Variants in MYO18A observed in about 807,000 individuals in gnomAD.
MYO18A encodes myosin XVIIIA, also known as unconventional myosin-XVIIIa.
A neutral mutation model predicts 235.8 loss-of-function variants in MYO18A; 78 were observed. The ratio of observed to expected loss-of-function variants is 0.33; its 90% CI spans 0.28 to 0.40. The LOEUF is 0.40. MYO18A is among the 10% of genes least tolerant of loss of function. MYO18A has a pLI of 1.00. For synonymous variants in MYO18A, 977 were observed against 1,077.8 expected (o/e 0.91, Z 1.83); for missense variants, 2,215 against 2,699.3 (o/e 0.82, Z 3.98).
At chr17:29,145,594 T>C (rs2152935614) in intron 2 of MYO18A, among the ~76,000 whole-genome samples, 1 of 152,220 alleles carries the variant, frequency 6.6e-6, no homozygotes, top group African/African-American at 2.4e-5. Flanking sequence ...GCAGAGGTTG[T>C]GTGTTGTTCA....
intron 1 of MYO18A, among the ~76,000 whole-genome samples, chr17:29,179,772 A>T (rs1668045361): frequency 6.6e-6 from 1 of 152,190 alleles, no homozygotes; most frequent in South Asian, 2.1e-4. Context: ...CCAGCTGTCT[A>T]GCAGCTGCTC....
Position 29,126,119 on chromosome 17 carries a change from A to C in MYO18A, c.1000-3866T>G, listed in dbSNP as rs1441231597. ...GCAATCTGAGTTTTTAAACCATCAG[A>C]TTAGAAAAAAAAGAACAAGTGCCTG... On this transcript the variant is annotated intron_variant, in intron 2 of 41. Transcript: ENST00000527372. This position sits in a 1 kb window ranked among gnomAD's most constrained non-coding sequence, Gnocchi z 4.1. Among the ~76,000 whole-genome samples, 1 of 152,186 alleles carries C rather than the reference A, an allele frequency of 6.6e-6. No homozygotes were observed.
At position 29,166,235 on chromosome 17, in the gene MYO18A, G is replaced by T. The variant is rs1265368023; in HGVS notation, c.706C>A (p.Arg236=). ...CCCCGATCCAGCATGGTTGTGCGCC[G>T]CAGGGAGAAGCCAAAGTCTCCAGTG... ...RPTGDFGFSL[R]RTTMLDRGPE... The change falls in exon 2 of 42, where the codon CGG becomes AGG. Residue 236 remains arginine, a synonymous_variant. Coordinates refer to ENST00000527372, the MANE Select transcript of MYO18A (RefSeq NM_078471.4). The T allele has an allele frequency of 1.2e-6, 2 of 1,612,846 alleles. No individual in the cohort carries two copies. Among genetic ancestry groups the T allele is most frequent in the Non-Finnish European group, 8.5e-7 (1 of 1,179,882 alleles).
chr17:29,099,490 A>T, intron 22 of MYO18A, 144 bp downstream of exon 22: 1 of 1,119,318 alleles, frequency 8.9e-7, no homozygotes, highest in Non-Finnish European at 1.2e-6. Context: ...TGCTGGCACC[A>T]GGGAGCTGCC....
In MYO18A at chr17:29,093,371, C is replaced by A. The variant is rs113617904; in HGVS notation, c.4878G>T (p.Leu1626=). 4 of 1,612,848 alleles carry A rather than the reference C, an allele frequency of 2.5e-6. No individual in the cohort carries two copies. Among genetic ancestry groups the A allele is most frequent in the Non-Finnish European group, 3.4e-6 (4 of 1,179,838 alleles). The change falls in exon 32 of 42, where the codon CTG becomes CTT. Residue 1626 remains leucine, a synonymous_variant. Coordinates refer to ENST00000527372, the MANE Select transcript of MYO18A (RefSeq NM_078471.4). The part of the protein sequence containing the change: ...EEEYEDKQKV[L]REKRELEGKL... ...TGCCCTCCAGCTCCCGCTTCTCTCG[C>A]AGAACCTTCTGCTTGTCCTCATACT...
Position 29,177,860 on chromosome 17 carries a change from G to A in MYO18A, c.-82+2453C>T, listed in dbSNP as rs938215111. On this transcript the variant is annotated intron_variant, in intron 1 of 41. Coordinates refer to ENST00000527372, the MANE Select transcript of MYO18A (RefSeq NM_078471.4). Reference sequence around the variant, plus strand: ...CTGTGGCGTCCACCCCAGGTGAGAGGATCTGGCTGAGGAGAGACCTCTGGT... The same window carrying A: ...CTGTGGCGTCCACCCCAGGTGAGAGAATCTGGCTGAGGAGAGACCTCTGGT... 5.9e-5 allele frequency among the ~76,000 whole-genome samples: 9 copies of A among 152,308 alleles called. No homozygotes were observed. The East Asian group carries it at 1.7e-3, about 29-fold the overall frequency.
intron 37 of MYO18A, among the ~76,000 whole-genome samples, chr17:29,087,852 T>C: frequency 6.6e-6 from 1 of 151,390 alleles, no homozygotes; most frequent in Non-Finnish European, 1.5e-5. Context: ...ACCTGAGGGG[T>C]AGAGGTGCGG....
At chr17:29,131,381 A>C in intron 2 of MYO18A, 1 of 985,972 alleles carries the variant, frequency 1.0e-6, no homozygotes, top group Non-Finnish European at 1.2e-6. Context: ...GGATGCACTT[A>C]CAGCCCCTTC....
In MYO18A at chr17:29,180,118, G is replaced by A. The variant is rs957890713; in HGVS notation, c.-82+195C>T. ...CCGCTCCCGATCGGCCCCCACCCCC[G>A]GGCGTCGAGCTCCACGGCGCCGCCA... is the stretch of plus-strand genomic sequence containing the variant. On this transcript the variant is annotated intron_variant, in intron 1 of 41. Transcript: ENST00000527372. This position sits in a 1 kb window ranked among gnomAD's most constrained non-coding sequence, Gnocchi z 6.1. Among the ~76,000 whole-genome samples the A allele has an allele frequency of 6.6e-6, 1 of 151,904 alleles. No homozygotes were observed. The highest frequency in any genetic ancestry group is 2.4e-5 in the African/African-American group (1 of 41,428).
chr17:29,173,319 T>C (rs1168489574), intron 1 of MYO18A, among the ~76,000 whole-genome samples: 1 of 152,076 alleles, frequency 6.6e-6, no homozygotes, highest in Admixed American at 6.5e-5. Context: ...CTTGAACTCC[T>C]GACCTCAGGT....
In MYO18A at chr17:29,086,477, T is replaced by C; in HGVS notation, c.5813A>G (p.Asp1938Gly). The C allele has an allele frequency of 6.2e-7, 1 of 1,609,398 alleles. No homozygotes were observed. The highest frequency in any genetic ancestry group is 8.5e-7 in the Non-Finnish European group (1 of 1,177,838). Reference protein sequence around the residue: ...RIGDLQAAIEDEMESDENEDL... With the variant: ...RIGDLQAAIEGEMESDENEDL... Reference sequence around the variant, plus strand: ...CTCATTCTCATCACTCTCCATCTCATCCTCAATGGCAGCCTGCAGGTCCCC... The same window carrying C: ...CTCATTCTCATCACTCTCCATCTCACCCTCAATGGCAGCCTGCAGGTCCCC... Residue 1938 changes from aspartate (D) to glycine (G), a missense_variant, in exon 39 of 42, where the codon GAT becomes GGT. Coordinates refer to ENST00000527372, the MANE Select transcript of MYO18A (RefSeq NM_078471.4).
chr17:29,114,902 G>A lies in MYO18A; in HGVS notation c.2511+5C>T. 1 of 1,611,506 alleles carries A rather than the reference G, an allele frequency of 6.2e-7. No individual in the cohort carries two copies. Among genetic ancestry groups the A allele is most frequent in the South Asian group, 1.1e-5 (1 of 90,780 alleles). On this transcript the variant is annotated splice_donor_5th_base_variant and intron_variant, in intron 14 of 41. Coordinates refer to ENST00000527372, the MANE Select transcript of MYO18A (RefSeq NM_078471.4). ...GGCTAGATGAGGCCCAGGCCCCAGA[G>A]CTACCTCCTTGTATCTTTCCAACTC...
chr17:29,153,335 G>A (rs1451932760), intron 2 of MYO18A, among the ~76,000 whole-genome samples: 1 of 151,778 alleles, frequency 6.6e-6, no homozygotes, highest in East Asian at 1.9e-4. Context: ...GTCTGGGCTT[G>A]TCTCACTATG....
rs769742803 is a variant in MYO18A, at chr17:29,098,235, G to A, written c.3871-11C>T. The A allele has an allele frequency of 1.2e-6, 2 of 1,613,884 alleles. No individual in the cohort carries two copies. The highest frequency in any genetic ancestry group is 1.7e-5 in the Admixed American group (1 of 60,026). ...TGTCAGCTCTGAGATCTGGGGTTGG[G>A]GGTAGGGAGTCACCACCAGTTGAAG... On this transcript the variant is annotated splice_polypyrimidine_tract_variant and intron_variant, in intron 24 of 41. Coordinates refer to ENST00000527372, the MANE Select transcript of MYO18A (RefSeq NM_078471.4).
At chr17:29,136,151 C>T (rs2067591707) in intron 2 of MYO18A, among the ~76,000 whole-genome samples, 1 of 150,954 alleles carries the variant, frequency 6.6e-6, no homozygotes, top group African/African-American at 2.4e-5. Flanking sequence ...ATCGCTTGAG[C>T]CTGGGAGGCA....
At chr17:29,139,132 C>A (rs1004167172) in intron 2 of MYO18A, among the ~76,000 whole-genome samples, 1 of 151,970 alleles carries the variant, frequency 6.6e-6, no homozygotes. Flanking sequence ...GCCGGGCACC[C>A]GCCTCACTGC....
chr17:29,114,267 A>AT (rs1181927858), intron 14 of MYO18A, 170 bp from the exon 15 acceptor site: 3 of 590,110 alleles, frequency 5.1e-6, no homozygotes, highest in African/African-American at 3.7e-5. Flanking sequence ...AACACACTGT[A>AT]TTTTTTGCAC....
chr17:29,094,884 G>A (rs777414137), intron 29 of MYO18A, 34 bp from the exon 30 acceptor site: 44 of 1,613,776 alleles, frequency 2.7e-5, no homozygotes, highest in African/African-American at 5.3e-5. Context: ...GTGCAGGGCT[G>A]ACCCCAGGTT....
intron 37 of MYO18A, among the ~76,000 whole-genome samples, chr17:29,089,182 C>T (rs1387712972): frequency 6.6e-6 from 1 of 151,486 alleles, no homozygotes; most frequent in African/African-American, 2.4e-5. Context: ...CCTGTAATCC[C>T]AGCACTTTGG....
Sources: gnomAD v4.1 joint callset for allele counts (sites outside exome capture counted in the v4.1 genomes callset) on GRCh38, gnomAD v4.1.1 for gene constraint, Gnocchi (gnomAD v3.1) non-coding constraint, MANE v1.5 for transcripts, NCBI Gene and HGNC (gene_info 2026-07-23, HGNC 2026-07-21) for gene names.